Variants in PKHD1 observed in about 807,000 individuals in gnomAD.
The protein encoded by PKHD1 is fibrocystin.
Under a neutral mutation model 412.0 loss-of-function variants are expected in PKHD1, and 291 were observed. That is an observed-to-expected ratio of 0.71 (90% CI 0.64 to 0.78). PKHD1 has a LOEUF of 0.78. Among genes scored for constraint, PKHD1 ranks in the 30% least tolerant of loss-of-function variants. The probability of loss-of-function intolerance (pLI) is 0.00; values close to 1 mark genes in which losing one functional copy is unlikely to be tolerated. For missense variants in PKHD1, 4,825 were observed against 4,950.7 expected, an observed-to-expected ratio of 0.97 and a Z score of 0.76; for synonymous variants, 1,777 against 1,821.5, an observed-to-expected ratio of 0.98 and a Z score of 0.62.
intron 43 of PKHD1, among the ~76,000 whole-genome samples, chr6:51,902,166 T>C (rs1306515914): frequency 6.6e-6 from 1 of 152,206 alleles, no homozygotes; most frequent in Non-Finnish European, 1.5e-5. Context: ...GTCAACATTA[T>C]GCTACCCAGA....
Position 51,659,956 on chromosome 6 carries a change from T to G in PKHD1, c.10170A>C (p.Glu3390Asp). 1.2e-6 allele frequency: 2 copies of G among 1,600,102 alleles called. No homozygotes were observed. Among genetic ancestry groups the G allele is most frequent in the Non-Finnish European group, 1.7e-6 (2 of 1,167,696 alleles). ...GAAATTGGTATGTACATTTCTGTTCTTCTCTAAATGTACCTATAAAAGAAA... is the reference window on the plus strand; with the variant it reads ...GAAATTGGTATGTACATTTCTGTTCGTCTCTAAATGTACCTATAAAAGAAA... ...ASFFNAGTFR[E>D]EQKCTYQFLM... is the part of the protein sequence containing the mutation. Residue 3390 changes from glutamate to aspartate, a missense_variant, in exon 61 of 67, where the codon GAA (glutamate) becomes GAC (aspartate). Coordinates refer to ENST00000371117, the MANE Select transcript of PKHD1 (RefSeq NM_138694.4).
chr6:51,958,149 G>A (rs542066553), intron 36 of PKHD1, among the ~76,000 whole-genome samples: 37 of 151,964 alleles, frequency 2.4e-4, no homozygotes, highest in Admixed American at 2.2e-3. Flanking sequence ...TCTGTCTTTT[G>A]CCAACAACTC....
intron 60 of PKHD1, among the ~76,000 whole-genome samples, chr6:51,695,921 A>T (rs1321627107): frequency 6.6e-6 from 1 of 152,180 alleles, no homozygotes; most frequent in Admixed American, 6.5e-5. Flanking sequence ...CACAAGCCCA[A>T]AGTGAAATTT....
chr6:51,869,539 G>A (rs1254906229), intron 47 of PKHD1, among the ~76,000 whole-genome samples: 1 of 152,070 alleles, frequency 6.6e-6, no homozygotes, highest in African/African-American at 2.4e-5. Context: ...GAAATAGATG[G>A]TATTTAAGCA....
At chr6:51,764,681 T>C (rs1281238876) in intron 55 of PKHD1, among the ~76,000 whole-genome samples, 4 of 152,082 alleles carry the variant, frequency 2.6e-5, no homozygotes, top group Non-Finnish European at 4.4e-5. Context: ...CCAACAATGA[T>C]AGACTGGATT....
chr6:51,671,401 G>A (rs1581981091), intron 60 of PKHD1, among the ~76,000 whole-genome samples: 3 of 152,224 alleles, frequency 2.0e-5, no homozygotes, highest in African/African-American at 7.2e-5. Flanking sequence ...AGCTCCATCA[G>A]CTCCTTTAAG....
In PKHD1 at chr6:51,996,512, G is replaced by A. The variant is rs578079954; in HGVS notation, c.5751+13797C>T. Among the ~76,000 whole-genome samples, 10 of 152,274 alleles carry A rather than the reference G, an allele frequency of 6.6e-5. 1 individual carries two copies. The South Asian group carries it at 1.7e-3, about 25-fold the overall frequency. On this transcript the variant is annotated intron_variant, in intron 35 of 66. Transcript: ENST00000371117. Reference sequence around the variant, plus strand: ...TGCTGTCATTTTGAAACAGGAAGACGCACATCACAAAAGAAACACCTAACT... The same window carrying A: ...TGCTGTCATTTTGAAACAGGAAGACACACATCACAAAAGAAACACCTAACT...
chr6:52,052,969 G>C (rs1002532515), intron 21 of PKHD1, 107 bp downstream of exon 21: 2 of 1,008,906 alleles, frequency 2.0e-6, no homozygotes, highest in African/African-American at 3.2e-5. Flanking sequence ...CAGGCAAAAA[G>C]GAGGATCACC....
chr6:52,046,854 T>C (rs894752622), intron 23 of PKHD1, among the ~76,000 whole-genome samples: 3 of 152,182 alleles, frequency 2.0e-5, no homozygotes, highest in African/African-American at 7.2e-5. Flanking sequence ...ATGTCTACTT[T>C]AGGGATGAAG....
At chr6:51,883,302 TATTG>T in intron 45 of PKHD1, 75 bp from the exon 46 acceptor site, 5 of 1,315,030 alleles carry the variant, frequency 3.8e-6, no homozygotes, top group Admixed American at 1.7e-5. Flanking sequence ...CTTTTAAAAT[TATTG>T]ATTAAGTAGA....
intron 66 of PKHD1, among the ~76,000 whole-genome samples, chr6:51,623,998 C>T (rs368024465): frequency 2.0e-5 from 3 of 152,190 alleles, no homozygotes; most frequent in African/African-American, 7.2e-5. Flanking sequence ...CTCTAATATT[C>T]CATTGTTAAT....
At chr6:51,883,867 C>T (rs753844030) in intron 45 of PKHD1, among the ~76,000 whole-genome samples, 2 of 151,830 alleles carry the variant, frequency 1.3e-5, no homozygotes, top group Non-Finnish European at 2.9e-5. Context: ...GTGCTGATTA[C>T]AAAAAAAACT....
chr6:51,730,487 T>A (rs1783107080), intron 60 of PKHD1, among the ~76,000 whole-genome samples: 1 of 152,258 alleles, frequency 6.6e-6, no homozygotes, highest in South Asian at 2.1e-4. Context: ...ATGCTATTTT[T>A]GTTATAAACT....
chr6:51,927,415 G>T (rs1053412506), intron 37 of PKHD1, among the ~76,000 whole-genome samples: 1 of 152,144 alleles, frequency 6.6e-6, no homozygotes, highest in South Asian at 2.1e-4. Flanking sequence ...ATCTAACTCT[G>T]CCACTTTTGC....
chr6:51,889,130 G>A (rs1399479136), intron 43 of PKHD1, among the ~76,000 whole-genome samples: 1 of 152,020 alleles, frequency 6.6e-6, no homozygotes, highest in East Asian at 1.9e-4. Context: ...TCACCTGGGG[G>A]TTTTCCATGG....
At chr6:51,820,779 C>T (rs1582876414) in intron 52 of PKHD1, among the ~76,000 whole-genome samples, 1 of 152,112 alleles carries the variant, frequency 6.6e-6, no homozygotes, top group Admixed American at 6.5e-5. Context: ...AAGACCTTGT[C>T]ACTTCAGCAA....
chr6:51,857,887 A>G (rs1205520426), intron 48 of PKHD1, among the ~76,000 whole-genome samples: 1 of 152,204 alleles, frequency 6.6e-6, no homozygotes, highest in African/African-American at 2.4e-5. Context: ...TGCTCAGGGC[A>G]TTTGGGAATG....
intron 17 of PKHD1, 27 bp from the exon 18 acceptor site, chr6:52,056,815 A>G: frequency 1.3e-6 from 2 of 1,596,074 alleles, no homozygotes; most frequent in Non-Finnish European, 1.7e-6. Context: ...AAATGCCAGG[A>G]ATTTATATCA....
chr6:51,653,301 G>T (rs554765368), intron 61 of PKHD1, among the ~76,000 whole-genome samples: 19 of 151,978 alleles, frequency 1.3e-4, no homozygotes, highest in Non-Finnish European at 4.4e-5. Context: ...GCCTATCTAG[G>T]CTTTCTTAGC....
Sources: gnomAD v4.1 joint callset for allele counts (sites outside exome capture counted in the v4.1 genomes callset) on GRCh38, gnomAD v4.1.1 for gene constraint, MANE v1.5 for transcripts, NCBI Gene and HGNC (gene_info 2026-07-23, HGNC 2026-07-21) for gene names.